SUFU: variants seen among roughly 807,000 people sequenced by gnomAD.
SUFU encodes suppressor of fused homolog.
In SUFU, 7 loss-of-function variants were observed where a neutral mutation model predicts 58.9. The observed-to-expected ratio is 0.12, with a 90% CI of 0.07 to 0.22. SUFU has a LOEUF of 0.22. Ranked by LOEUF, SUFU falls within the 10% of genes least tolerant of loss-of-function variation. The pLI is 1.00. For missense variants in SUFU, 451 were observed against 641.3 expected (o/e 0.70, Z 3.20); for synonymous variants, 232 against 254.8 (o/e 0.91, Z 0.85).
intron 10 of SUFU, chr10:102,618,563 T>C (rs1252846668): frequency 6.4e-6 from 1 of 156,870 alleles, no homozygotes; most frequent in African/African-American, 2.4e-5. Context: ...GGATATTGTG[T>C]TCCATAAATT....
At chr10:102,593,742 G>A in intron 5 of SUFU, 21 bp downstream of exon 5, 3 of 1,612,540 alleles carry the variant, frequency 1.9e-6, no homozygotes, top group Non-Finnish European at 2.5e-6. Flanking sequence ...ATGCAAGGTG[G>A]GAGCGCGGCT....
chr10:102,543,007 A>G (rs955559515), intron 2 of SUFU, among the ~76,000 whole-genome samples: 2 of 152,214 alleles, frequency 1.3e-5, no homozygotes, highest in Non-Finnish European at 2.9e-5. Flanking sequence ...TTCTTACAGC[A>G]CTTTGAGTCA....
At chr10:102,556,843 A>G (rs1208365826) in intron 3 of SUFU, among the ~76,000 whole-genome samples, 1 of 151,958 alleles carries the variant, frequency 6.6e-6, no homozygotes, top group Non-Finnish European at 1.5e-5. Flanking sequence ...TAATCCCAGC[A>G]CTTTGGGAGC....
intron 10 of SUFU, chr10:102,618,002 T>C (rs35095897): frequency 0.53 from 86,196 of 163,812 alleles, 23,360 homozygotes; most frequent in Middle Eastern, 0.63. Flanking sequence ...TCCTTTGCTC[T>C]TCTGGCTGGA....
chr10:102,626,220 G>A (rs939621033), intron 10 of SUFU, among the ~76,000 whole-genome samples: 1 of 152,158 alleles, frequency 6.6e-6, no homozygotes, highest in Non-Finnish European at 1.5e-5. Context: ...GGCGTGGTGG[G>A]GTGCAGACCT....
intron 2 of SUFU, among the ~76,000 whole-genome samples, chr10:102,527,533 A>G (rs1324654727): frequency 1.3e-5 from 2 of 151,816 alleles, no homozygotes; most frequent in African/African-American, 4.8e-5. Context: ...ATAGTACATC[A>G]TGACATTCAA....
intron 2 of SUFU, among the ~76,000 whole-genome samples, chr10:102,520,212 CTTTT>C (rs36020604): frequency 0.35 from 40,165 of 115,484 alleles, 5,472 homozygotes; most frequent in Admixed American, 0.42. Context: ...TTTTTTCTTT[CTTTT>C]TTTTTTTTTT....
intron 1 of SUFU, among the ~76,000 whole-genome samples, chr10:102,505,902 A>T (rs1481272651): frequency 6.6e-6 from 1 of 152,140 alleles, no homozygotes; most frequent in Non-Finnish European, 1.5e-5. Flanking sequence ...GTCATGTGTC[A>T]GGAGAAAAGT....
In SUFU at chr10:102,504,016, C is replaced by G. The variant is rs1405541233; in HGVS notation, c.-137C>G. 7 of 1,214,838 alleles carry G rather than the reference C, an allele frequency of 5.8e-6. No individual in the cohort carries two copies. The Admixed American group carries it at 2.1e-4, about 37-fold the overall frequency. 75.3% of individuals were successfully genotyped at this position (1,214,838 alleles called of 1,614,324 possible). A position where few individuals can be genotyped will look rare whatever the true frequency, so the allele number is the denominator to read the frequency against. On this transcript the variant is annotated 5_prime_UTR_variant, in exon 1 of 12. Transcript: ENST00000369902. ...GCCTGGGCGGACAGTGCGCCGTGCGCAGGCGCGGAGCTAGACCTCGCTGCA... is the reference window on the plus strand; with the variant it reads ...GCCTGGGCGGACAGTGCGCCGTGCGGAGGCGCGGAGCTAGACCTCGCTGCA...
At position 102,593,640 on chromosome 10, in the gene SUFU, T is replaced by C. The variant is rs772840788; in HGVS notation, c.602T>C (p.Val201Ala). ...GCTTTCTATCCTGGGCCTCAGATCG[T>C]TGGTGTCTGCACTGAAGAGCTACAC... ...PFGVVTFLQI[V>A]GVCTEELHSA... is the part of the protein sequence containing the mutation. The change falls in exon 5 of 12, where the codon GTT becomes GCT. Residue 201 changes from valine (V) to alanine (A), a missense_variant. Physicochemically the swap from Val to Ala is moderately conservative, Grantham distance 64 (BLOSUM62 0). Coordinates refer to ENST00000369902, the MANE Select transcript of SUFU (RefSeq NM_016169.4). 3.7e-6 allele frequency: 6 copies of C among 1,614,008 alleles called. No homozygotes were observed. Among genetic ancestry groups the C allele is most frequent in the Non-Finnish European group, 5.1e-6 (6 of 1,180,018 alleles).
intron 2 of SUFU, among the ~76,000 whole-genome samples, chr10:102,525,004 G>A (rs2062594122): frequency 6.6e-6 from 1 of 152,238 alleles, no homozygotes; most frequent in Admixed American, 6.5e-5. Flanking sequence ...TCCCATAGGA[G>A]AGGAGACATT....
chr10:102,593,189 G>A (rs955124879), intron 4 of SUFU, among the ~76,000 whole-genome samples: 1 of 152,180 alleles, frequency 6.6e-6, no homozygotes, highest in Non-Finnish European at 1.5e-5. Flanking sequence ...GAAGGGAGGA[G>A]TTTCTCTGCA....
chr10:102,521,356 G>C (rs2062549261), intron 2 of SUFU, among the ~76,000 whole-genome samples: 1 of 151,976 alleles, frequency 6.6e-6, no homozygotes, highest in Admixed American at 6.6e-5. Flanking sequence ...TCACATCATG[G>C]GTTCAGACCA....
intron 8 of SUFU, among the ~76,000 whole-genome samples, chr10:102,609,187 A>G (rs148218916): frequency 2.2e-3 from 331 of 152,256 alleles, no homozygotes; most frequent in African/African-American, 7.3e-3. Context: ...TAAAATGGGG[A>G]AAATAATGCC....
chr10:102,522,570 G>GT (rs2062562893), intron 2 of SUFU, among the ~76,000 whole-genome samples: 3 of 152,162 alleles, frequency 2.0e-5, no homozygotes, highest in Admixed American at 2.0e-4. Context: ...TCCTTTTCAG[G>GT]TAATTGCCTG....
chr10:102,525,384 A>G (rs1405863723), intron 2 of SUFU, among the ~76,000 whole-genome samples: 1 of 152,178 alleles, frequency 6.6e-6, no homozygotes, highest in East Asian at 1.9e-4. Flanking sequence ...TGCTGAGATT[A>G]TAAGCATGAG....
At chr10:102,573,842 A>G (rs559240235) in intron 3 of SUFU, among the ~76,000 whole-genome samples, 2 of 152,200 alleles carry the variant, frequency 1.3e-5, no homozygotes, top group Admixed American at 1.3e-4. Flanking sequence ...TGGAATGGGG[A>G]GTTACTGTTT....
intron 2 of SUFU, among the ~76,000 whole-genome samples, chr10:102,537,974 A>G (rs1208144340): frequency 1.3e-5 from 2 of 152,222 alleles, no homozygotes; most frequent in Admixed American, 1.3e-4. Flanking sequence ...AGGAACCGCC[A>G]TACTGTTTTC....
chr10:102,581,159 G>A (rs989883854), intron 3 of SUFU, among the ~76,000 whole-genome samples: 13 of 129,508 alleles, frequency 1.0e-4, no homozygotes, highest in Middle Eastern at 5.5e-3. Flanking sequence ...CAGCCTGGGC[G>A]ACAGAGAGAG....
Sources: gnomAD v4.1 joint callset for allele counts (sites outside exome capture counted in the v4.1 genomes callset) on GRCh38, gnomAD v4.1.1 for gene constraint, MANE v1.5 for transcripts, NCBI Gene and HGNC (gene_info 2026-07-23, HGNC 2026-07-21) for gene names.